RAD51B: variants seen among roughly 807,000 people sequenced by gnomAD.
RAD51B encodes the protein RAD51 paralog B.
In RAD51B, 38 loss-of-function variants were observed where a neutral mutation model predicts 42.2. The observed-to-expected ratio is 0.90, with a 90% CI of 0.70 to 1.18. RAD51B has a LOEUF of 1.18. Among genes scored for constraint, RAD51B ranks in the 50% most tolerant of loss-of-function variants. The probability of loss-of-function intolerance (pLI) is 0.00; values close to 1 mark genes in which losing one functional copy is unlikely to be tolerated. For missense variants in RAD51B, 373 were observed against 400.7 expected (o/e 0.93, Z 0.59); for synonymous variants, 154 against 145.2 (o/e 1.06, Z -0.43).
chr14:68,304,849 C>G (rs1694674774), intron 8 of RAD51B, among the ~76,000 whole-genome samples: 1 of 152,216 alleles, frequency 6.6e-6, no homozygotes, highest in Admixed American at 6.5e-5. Flanking sequence ...AAGCCTCAGA[C>G]AGGCTTCTCT....
intron 7 of RAD51B, among the ~76,000 whole-genome samples, chr14:68,207,243 TACAC>T (rs1204755385): frequency 2.6e-5 from 4 of 152,128 alleles, no homozygotes; most frequent in East Asian, 3.8e-4. Context: ...TATATATAAA[TACAC>T]ACACATATAC....
At chr14:68,183,876 G>A (rs1055454000) in intron 7 of RAD51B, among the ~76,000 whole-genome samples, 3 of 152,002 alleles carry the variant, frequency 2.0e-5, no homozygotes, top group Non-Finnish European at 2.9e-5. Context: ...AGCTGATCAC[G>A]AGGTCAGGAG....
rs79653642 is a variant in RAD51B, at chr14:68,438,416, G to A, written c.957+26889G>A. Among the ~76,000 whole-genome samples the A allele has an allele frequency of 4.4e-3, 665 of 152,294 alleles. 5 individuals are homozygous for A. The highest frequency in any genetic ancestry group is 0.015 in the African/African-American group (626 of 41,554). ...TACTCACTGAAACAGGCTGGTAAAG[G>A]AGAAAAAGGAGGCCTGGGAGGGAGG... On this transcript the variant is annotated intron_variant, in intron 9 of 10. Transcript: ENST00000471583.
intron 7 of RAD51B, among the ~76,000 whole-genome samples, chr14:68,119,539 A>C (rs113275574): frequency 7.3e-6 from 1 of 136,462 alleles, no homozygotes; most frequent in African/African-American, 2.8e-5. Flanking sequence ...TCATTGTTCA[A>C]TTCCCACCTA....
chr14:68,067,822 C>T (rs984830318), intron 7 of RAD51B, among the ~76,000 whole-genome samples: 7 of 149,198 alleles, frequency 4.7e-5, no homozygotes, highest in Non-Finnish European at 3.0e-5. Flanking sequence ...GTCCTAGCTA[C>T]TAGGGAGGCT....
At chr14:67,967,497 C>G (rs549307964) in intron 7 of RAD51B, among the ~76,000 whole-genome samples, 1 of 152,258 alleles carries the variant, frequency 6.6e-6, no homozygotes, top group South Asian at 2.1e-4. Flanking sequence ...TTCCTAGACA[C>G]AATAAGGGTA....
intron 8 of RAD51B, among the ~76,000 whole-genome samples, chr14:68,383,841 A>G (rs1440743864): frequency 6.6e-6 from 1 of 152,148 alleles, no homozygotes; most frequent in Non-Finnish European, 1.5e-5. Flanking sequence ...GCTGCCAGCT[A>G]GTAAGCTGTG....
intron 7 of RAD51B, among the ~76,000 whole-genome samples, chr14:67,975,996 G>T (rs1163082297): frequency 2.0e-5 from 3 of 151,442 alleles, no homozygotes; most frequent in African/African-American, 7.3e-5. Flanking sequence ...TTCAAATGTT[G>T]TTGATTCTTG....
chr14:68,237,732 CTTTTT>C (rs57490316), intron 7 of RAD51B, among the ~76,000 whole-genome samples: 4 of 74,096 alleles, frequency 5.4e-5, no homozygotes, highest in African/African-American at 1.0e-4. Context: ...TTTCATTTCT[CTTTTT>C]TTTTTTTTTT....
intron 8 of RAD51B, among the ~76,000 whole-genome samples, chr14:68,359,057 A>T (rs981232687): frequency 6.6e-6 from 1 of 151,904 alleles, no homozygotes; most frequent in Non-Finnish European, 1.5e-5. Flanking sequence ...AGTGGAGCAC[A>T]CCCCACCTGC....
chr14:68,638,146 T>G (rs528963577), intron 10 of RAD51B, among the ~76,000 whole-genome samples: 297 of 152,288 alleles, frequency 2.0e-3, no homozygotes, highest in African/African-American at 6.8e-3. Flanking sequence ...TTTTTTGAAC[T>G]GGGTCAAGGA....
chr14:68,578,592 A>G (rs532371750), intron 10 of RAD51B, among the ~76,000 whole-genome samples: 2 of 152,324 alleles, frequency 1.3e-5, no homozygotes, highest in Non-Finnish European at 2.9e-5. Flanking sequence ...CAGGTCCTGA[A>G]TGTCTTTGGA....
chr14:68,462,749 T>A (rs1210075430), intron 9 of RAD51B, among the ~76,000 whole-genome samples: 1 of 152,196 alleles, frequency 6.6e-6, no homozygotes, highest in Non-Finnish European at 1.5e-5. Context: ...AAAGTGTATT[T>A]GTTAGAGTGC....
chr14:67,835,577 CATAT>C (rs34593818), intron 4 of RAD51B, among the ~76,000 whole-genome samples: 2 of 151,016 alleles, frequency 1.3e-5, no homozygotes, highest in African/African-American at 2.4e-5. Context: ...ACACATATGT[CATAT>C]ATGTAATATG....
In RAD51B at chr14:68,565,105, A is replaced by C. The variant is rs1171570886; in HGVS notation, c.1037-29380A>C. Among the ~76,000 whole-genome samples, 1 of 152,214 alleles carries C rather than the reference A, an allele frequency of 6.6e-6. No individual in the cohort carries two copies. Among genetic ancestry groups the C allele is most frequent in the Non-Finnish European group, 1.5e-5 (1 of 68,044 alleles). ...AAAATACACACACACACATACACACACACACACCCCACATGCACACAACAC... is the reference window on the plus strand; with the variant it reads ...AAAATACACACACACACATACACACCCACACACCCCACATGCACACAACAC... On this transcript the variant is annotated intron_variant, in intron 10 of 10. Coordinates refer to the RAD51B transcript ENST00000487270. The surrounding 1 kb of genome is among the most constrained non-coding windows in gnomAD (Gnocchi z 4.1).
At chr14:68,034,591 A>G (rs1405469357) in intron 7 of RAD51B, among the ~76,000 whole-genome samples, 4 of 152,202 alleles carry the variant, frequency 2.6e-5, no homozygotes, top group East Asian at 3.8e-4. Flanking sequence ...TAAGCCTACA[A>G]TAAGAATGTT....
chr14:68,411,054 AACTAAG>A (rs1375017151), intron 8 of RAD51B, among the ~76,000 whole-genome samples: 1 of 152,226 alleles, frequency 6.6e-6, no homozygotes, highest in Non-Finnish European at 1.5e-5. Context: ...AACTCTATTA[AACTAAG>A]ACTATTTCAT....
At chr14:68,529,020 T>C (rs1024621947) in intron 10 of RAD51B, among the ~76,000 whole-genome samples, 52 of 152,308 alleles carry the variant, frequency 3.4e-4, no homozygotes, top group Admixed American at 3.1e-3. Flanking sequence ...GTTTTCTTTC[T>C]CTAGGTGGGT....
rs1262486223 is a variant in RAD51B at position 67,960,569 on chromosome 14, G to T, written c.756+73365G>T. On this transcript the variant is annotated intron_variant, in intron 7 of 10. Transcript: ENST00000471583. ...AGCAGTTTACCCACAGTGTATCTAGGATAAAATAAATTTAAGATAAATATA... is the reference window on the plus strand; with the variant it reads ...AGCAGTTTACCCACAGTGTATCTAGTATAAAATAAATTTAAGATAAATATA... 2.0e-5 allele frequency among the ~76,000 whole-genome samples: 3 copies of T among 152,274 alleles called. No individual in the cohort carries two copies. The East Asian group carries it at 5.8e-4, about 29-fold the overall frequency.
Sources: allele counts gnomAD v4.1 joint callset (sites outside exome capture counted in the v4.1 genomes callset), GRCh38; gene constraint gnomAD v4.1.1; non-coding constraint Gnocchi (gnomAD v3.1); transcripts MANE v1.5; gene names NCBI Gene and HGNC (gene_info 2026-07-23, HGNC 2026-07-21).